SPIRE1: variants seen among roughly 807,000 people sequenced by gnomAD.
The protein encoded by SPIRE1 is spire type actin nucleation factor 1.
SPIRE1 carries 40 observed loss-of-function variants against 94.1 expected under a neutral mutation model. The observed-to-expected ratio is 0.43, with a 90% confidence interval of 0.33 to 0.55. The LOEUF (loss-of-function observed/expected upper bound fraction) is 0.55, where lower values mean the gene tolerates loss of function less well. Among genes scored for constraint, SPIRE1 ranks in the 20% least tolerant of loss-of-function variants. SPIRE1 has a pLI of 0.06. For missense variants in SPIRE1, 838 were observed against 975.2 expected, an observed-to-expected ratio of 0.86 and a Z score of 1.87; for synonymous variants, 376 against 371.7, an observed-to-expected ratio of 1.01 and a Z score of -0.13.
At chr18:12,584,272 C>A (rs1036947685) in intron 2 of SPIRE1, among the ~76,000 whole-genome samples, 8 of 151,446 alleles carry the variant, frequency 5.3e-5, no homozygotes, top group African/African-American at 1.9e-4. Flanking sequence ...TCTACTAAAA[C>A]TTCAAAAATT....
rs572738037 is a variant in SPIRE1, at chr18:12,619,366, G to A, written c.372+15696C>T. ...TACTAAAAATACAAAAAATTAGCCA[G>A]GCGTGGTGGCAGGCGCCTGTAATCC... On this transcript the variant is annotated intron_variant, in intron 2 of 16. Transcript: ENST00000409402. Among the ~76,000 whole-genome samples the A allele has an allele frequency of 2.4e-3, 358 of 152,030 alleles. 3 individuals are homozygous for A. Among genetic ancestry groups the A allele is most frequent in the South Asian group, 0.014 (69 of 4,808 alleles).
chr18:12,544,201 T>A (rs946744410), intron 3 of SPIRE1, among the ~76,000 whole-genome samples: 10 of 151,332 alleles, frequency 6.6e-5, no homozygotes, highest in African/African-American at 2.4e-4. Context: ...TTTCTTTCTT[T>A]TTTTTTTTCT....
chr18:12,550,210 G>A (rs2035309527), intron 2 of SPIRE1, among the ~76,000 whole-genome samples: 1 of 152,052 alleles, frequency 6.6e-6, no homozygotes, highest in Non-Finnish European at 1.5e-5. Context: ...CCCTTTACAA[G>A]CAAACCTCCC....
chr18:12,518,484 C>G (rs970559679), intron 4 of SPIRE1, among the ~76,000 whole-genome samples: 10 of 150,628 alleles, frequency 6.6e-5, no homozygotes, highest in Non-Finnish European at 1.5e-4. Context: ...AGAGCAAGAC[C>G]CTGTCTCACA....
intron 3 of SPIRE1, among the ~76,000 whole-genome samples, chr18:12,542,676 T>C (rs1242304905): frequency 1.3e-5 from 2 of 152,216 alleles, no homozygotes; most frequent in Non-Finnish European, 2.9e-5. Flanking sequence ...AGGTTAGCAC[T>C]AATAAATTAG....
chr18:12,450,402 T>G (rs754716620), intron 16 of SPIRE1: 5 of 414,480 alleles, frequency 1.2e-5, no homozygotes, highest in African/African-American at 2.1e-5. Context: ...AAAACATGTC[T>G]TATTAAGACA....
intron 4 of SPIRE1, among the ~76,000 whole-genome samples, chr18:12,525,294 A>AAT (rs1236179799): frequency 2.7e-5 from 4 of 145,852 alleles, no homozygotes; most frequent in Non-Finnish European, 4.5e-5. Flanking sequence ...AAAAAAAAAA[A>AAT]AAAATAATAA....
chr18:12,603,699 C>T (rs1352725969), intron 2 of SPIRE1, among the ~76,000 whole-genome samples: 5 of 151,932 alleles, frequency 3.3e-5, no homozygotes, highest in African/African-American at 7.2e-5. Context: ...CTCAGCCTCC[C>T]GAGTAGCTGG....
chr18:12,600,611 G>A (rs1242213628), intron 2 of SPIRE1, among the ~76,000 whole-genome samples: 1 of 152,142 alleles, frequency 6.6e-6, no homozygotes, highest in Non-Finnish European at 1.5e-5. Context: ...ATATTTGTGA[G>A]TTGGCACTGT....
At chr18:12,526,821 T>C (rs1172554863) in intron 4 of SPIRE1, among the ~76,000 whole-genome samples, 1 of 152,074 alleles carries the variant, frequency 6.6e-6, no homozygotes, top group East Asian at 1.9e-4. Context: ...GCAATTCTCC[T>C]GCCTCAGCTT....
intron 3 of SPIRE1, among the ~76,000 whole-genome samples, chr18:12,541,293 C>T (rs1260362931): frequency 2.6e-5 from 4 of 152,066 alleles, no homozygotes; most frequent in Admixed American, 2.6e-4. Flanking sequence ...TCCATGTATA[C>T]CTGAAAAGAA....
intron 12 of SPIRE1, among the ~76,000 whole-genome samples, chr18:12,462,267 T>C (rs543639585): frequency 6.6e-6 from 1 of 152,380 alleles, no homozygotes; most frequent in Admixed American, 6.5e-5. Flanking sequence ...CTCCCATCTG[T>C]TATTACTTTA....
chr18:12,649,134 AG>A (rs2038306273), intron 1 of SPIRE1, among the ~76,000 whole-genome samples: 1 of 152,188 alleles, frequency 6.6e-6, no homozygotes, highest in South Asian at 2.1e-4. Flanking sequence ...AAGTTTGGTC[AG>A]GCACAGTGGC....
chr18:12,489,651 G>A (rs1342274611), intron 8 of SPIRE1, among the ~76,000 whole-genome samples: 1 of 152,104 alleles, frequency 6.6e-6, no homozygotes, highest in Non-Finnish European at 1.5e-5. Context: ...TTGTGAATCA[G>A]GAAAATAGGT....
intron 6 of SPIRE1, 40 bp from the exon 7 acceptor site, chr18:12,496,142 T>C: frequency 7.2e-7 from 1 of 1,395,176 alleles, no homozygotes; most frequent in African/African-American, 1.4e-5. Flanking sequence ...TGTGACTATA[T>C]AAGACTATCA....
intron 2 of SPIRE1, among the ~76,000 whole-genome samples, chr18:12,549,439 G>GGTTTTTTTTTTTTTTTTTTTTTTTTTT (rs2035275774): frequency 2.4e-5 from 1 of 41,248 alleles, no homozygotes. Flanking sequence ...TGTTATTGTT[G>GGTTTTTTTTTTTTTTTTTTTTTTTTTT]TTTTTTTTTT....
In SPIRE1 at chr18:12,521,961, C is replaced by T. The variant is rs377660035; in HGVS notation, c.730-9430G>A. ...TCCCTCTCCTGGGGCCTCCCTATTC[C>T]GTGAGACACAATGATAATTTAATTA... On this transcript the variant is annotated intron_variant, in intron 4 of 16. Transcript: ENST00000409402. Among the ~76,000 whole-genome samples the T allele has an allele frequency of 3.2e-4, 49 of 152,272 alleles. No individual in the cohort carries two copies. In the East Asian group the frequency reaches 8.1e-3, roughly 25 times the overall value.
At chr18:12,490,782 A>G (rs1448539105) in intron 8 of SPIRE1, among the ~76,000 whole-genome samples, 1 of 152,194 alleles carries the variant, frequency 6.6e-6, no homozygotes, top group African/African-American at 2.4e-5. Flanking sequence ...GAAGGAAATT[A>G]CCTCAACATA....
At chr18:12,595,038 G>C (rs983190377) in intron 2 of SPIRE1, among the ~76,000 whole-genome samples, 2 of 152,222 alleles carry the variant, frequency 1.3e-5, no homozygotes, top group African/African-American at 2.4e-5. Context: ...AGCACTTTGG[G>C]AGGCCAATGC....
Sources: allele counts gnomAD v4.1 joint callset (sites outside exome capture counted in the v4.1 genomes callset), GRCh38; gene constraint gnomAD v4.1.1; transcripts MANE v1.5; gene names NCBI Gene and HGNC (gene_info 2026-07-23, HGNC 2026-07-21).